FHIT: variants seen among roughly 807,000 people sequenced by gnomAD.
The protein encoded by FHIT is fragile histidine triad diadenosine triphosphatase.
FHIT carries 19 observed loss-of-function variants against 17.9 expected under a neutral mutation model. That is an observed-to-expected ratio of 1.06 (90% CI 0.74 to 1.56). FHIT has a LOEUF of 1.56. FHIT is among the 40% of genes most tolerant of loss of function. The probability of loss-of-function intolerance (pLI) is 0.00; values close to 1 mark genes in which losing one functional copy is unlikely to be tolerated. For synonymous variants in FHIT, 81 were observed against 69.7 expected, an observed-to-expected ratio of 1.16 and a Z score of -0.81; for missense variants, 248 against 189.2, an observed-to-expected ratio of 1.31 and a Z score of -1.82.
chr3:61,141,553 C>G (rs1286434144), intron 2 of FHIT, among the ~76,000 whole-genome samples: 2 of 144,288 alleles, frequency 1.4e-5, no homozygotes, highest in African/African-American at 4.9e-5. Flanking sequence ...CCCAGCCACT[C>G]CACCCAAGCA....
At chr3:60,839,590 GA>G (rs1264162143) in intron 3 of FHIT, among the ~76,000 whole-genome samples, 6 of 151,276 alleles carry the variant, frequency 4.0e-5, no homozygotes, top group African/African-American at 1.2e-4. Context: ...CAGTGGCTGA[GA>G]AAAAAAAATC....
chr3:61,192,233 C>T (rs940186802), intron 2 of FHIT, among the ~76,000 whole-genome samples: 3 of 152,220 alleles, frequency 2.0e-5, no homozygotes, highest in Non-Finnish European at 4.4e-5. Flanking sequence ...AACTGCACCC[C>T]TCCCAGGAGG....
intron 2 of FHIT, among the ~76,000 whole-genome samples, chr3:61,195,377 C>T (rs2038826597): frequency 6.6e-6 from 1 of 152,048 alleles, no homozygotes; most frequent in Admixed American, 6.6e-5. Flanking sequence ...TAACAGACAC[C>T]AGGATTTCTA....
At chr3:60,187,532 T>C (rs1702207451) in intron 5 of FHIT, among the ~76,000 whole-genome samples, 1 of 152,200 alleles carries the variant, frequency 6.6e-6, no homozygotes, top group African/African-American at 2.4e-5. Context: ...TTTGTGTTAA[T>C]GAGTCTTCAA....
intron 4 of FHIT, among the ~76,000 whole-genome samples, chr3:60,749,465 G>A (rs2042424362): frequency 6.6e-6 from 1 of 152,110 alleles, no homozygotes; most frequent in Non-Finnish European, 1.5e-5. Flanking sequence ...GGGAAAGGGT[G>A]GATTCAAGCC....
At chr3:60,899,572 T>C (rs1705998294) in intron 3 of FHIT, among the ~76,000 whole-genome samples, 1 of 152,322 alleles carries the variant, frequency 6.6e-6, no homozygotes, top group Non-Finnish European at 1.5e-5. Flanking sequence ...AAAGGAAACC[T>C]GCTCCTAAAA....
intron 2 of FHIT, among the ~76,000 whole-genome samples, chr3:61,062,450 A>T (rs2106702618): frequency 6.6e-6 from 1 of 152,294 alleles, no homozygotes; most frequent in South Asian, 2.1e-4. Flanking sequence ...ACCTCCATAT[A>T]ATTTATTGGA....
intron 5 of FHIT, among the ~76,000 whole-genome samples, chr3:60,363,320 G>A (rs545475447): frequency 3.9e-5 from 6 of 152,018 alleles, no homozygotes; most frequent in African/African-American, 1.4e-4. Context: ...CTATAATTTT[G>A]CTTGATCTTT....
chr3:60,656,159 T>C (rs1200765409), intron 4 of FHIT, among the ~76,000 whole-genome samples: 1 of 152,136 alleles, frequency 6.6e-6, no homozygotes, highest in Non-Finnish European at 1.5e-5. Context: ...CATCTGAAAC[T>C]CAAGAAGGGT....
At chr3:60,574,627 A>T (rs943673038) in intron 4 of FHIT, among the ~76,000 whole-genome samples, 1 of 152,086 alleles carries the variant, frequency 6.6e-6, no homozygotes, top group Admixed American at 6.6e-5. Context: ...AAAGTTGTGT[A>T]AACACATCTT....
chr3:59,924,487 A>G (rs1303289571), intron 7 of FHIT, among the ~76,000 whole-genome samples: 2 of 152,188 alleles, frequency 1.3e-5, no homozygotes, highest in Non-Finnish European at 2.9e-5. Flanking sequence ...CTATATGGGG[A>G]TTATAATGGT....
At chr3:60,258,065 T>TACACACACAC (rs67553597) in intron 5 of FHIT, among the ~76,000 whole-genome samples, 1,866 of 144,550 alleles carry the variant, frequency 0.013, 36 homozygotes, top group African/African-American at 0.036. Flanking sequence ...GGAAATTAAA[T>TACACACACAC]ACACACACAC....
At chr3:60,532,006 A>G (rs1483039917) in intron 5 of FHIT, among the ~76,000 whole-genome samples, 2 of 152,230 alleles carry the variant, frequency 1.3e-5, no homozygotes, top group South Asian at 2.1e-4. Flanking sequence ...TCTCACAAAT[A>G]TACTTTGTAA....
At chr3:60,870,161 G>A (rs1269199860) in intron 3 of FHIT, among the ~76,000 whole-genome samples, 1 of 151,960 alleles carries the variant, frequency 6.6e-6, no homozygotes, top group African/African-American at 2.4e-5. Context: ...GCATGTATGA[G>A]CAACAGTAAA....
intron 1 of FHIT, among the ~76,000 whole-genome samples, chr3:61,240,316 G>T (rs2040343623): frequency 6.6e-6 from 1 of 152,162 alleles, no homozygotes; most frequent in Admixed American, 6.5e-5. Flanking sequence ...GGGCCTTTCT[G>T]TGTGTACAGC....
chr3:60,622,765 C>T (rs530304534), intron 4 of FHIT, among the ~76,000 whole-genome samples: 2 of 152,278 alleles, frequency 1.3e-5, no homozygotes, highest in East Asian at 1.9e-4. Context: ...ACGCTAGAAT[C>T]GCTCATGAAG....
intron 7 of FHIT, among the ~76,000 whole-genome samples, chr3:60,002,141 T>G (rs560365270): frequency 1.3e-5 from 2 of 152,294 alleles, no homozygotes; most frequent in East Asian, 3.9e-4. Flanking sequence ...AATTCCATCT[T>G]CATTTTTCAT....
chr3:60,471,206 T>A (rs1302252355), intron 5 of FHIT, among the ~76,000 whole-genome samples: 1 of 152,158 alleles, frequency 6.6e-6, no homozygotes, highest in African/African-American at 2.4e-5. Flanking sequence ...GCTCAAGCAC[T>A]CCCTTCACCA....
intron 2 of FHIT, among the ~76,000 whole-genome samples, chr3:61,121,866 A>C (rs2036466341): frequency 6.6e-6 from 1 of 152,214 alleles, no homozygotes; most frequent in Non-Finnish European, 1.5e-5. Flanking sequence ...CATAGGCTCA[A>C]AATAAACGTA....
Sources: allele counts gnomAD v4.1 joint callset (sites outside exome capture counted in the v4.1 genomes callset), GRCh38; gene constraint gnomAD v4.1.1; transcripts MANE v1.5; gene names NCBI Gene and HGNC (gene_info 2026-07-23, HGNC 2026-07-21).